Variants in USP30 observed in about 807,000 individuals in gnomAD.
USP30 encodes the protein ubiquitin specific peptidase 30.
Under a neutral mutation model 68.2 loss-of-function variants are expected in USP30, and 41 were observed. The observed-to-expected ratio is 0.60, with a 90% CI of 0.47 to 0.78. The LOEUF (loss-of-function observed/expected upper bound fraction) is 0.78. Ranked by LOEUF, USP30 falls within the 30% of genes least tolerant of loss-of-function variation. USP30 has a pLI of 0.00. For missense variants in USP30, 522 were observed against 649.4 expected (o/e 0.80, Z 2.13); for synonymous variants, 229 against 253.7 (o/e 0.90, Z 0.93).
chr12:109,036,018 G>A (rs1412297669), intron 3 of USP30, among the ~76,000 whole-genome samples: 1 of 152,102 alleles, frequency 6.6e-6, no homozygotes, highest in Non-Finnish European at 1.5e-5. Flanking sequence ...AAATTAGCTG[G>A]GCATGGTGGC....
intron 7 of USP30, among the ~76,000 whole-genome samples, chr12:109,074,707 G>A (rs866075032): frequency 1.7e-4 from 25 of 151,486 alleles, no homozygotes; most frequent in South Asian, 1.5e-3. Flanking sequence ...ATGTATGACT[G>A]TGTGTGTGTG....
At chr12:109,044,846 C>T (rs1456976376) in intron 3 of USP30, among the ~76,000 whole-genome samples, 4 of 152,202 alleles carry the variant, frequency 2.6e-5, no homozygotes, top group Middle Eastern at 3.4e-3. Flanking sequence ...CACAGAGATA[C>T]CCAAGTTTTC....
intron 3 of USP30, among the ~76,000 whole-genome samples, chr12:109,062,361 G>C (rs560710939): frequency 7.4e-6 from 1 of 135,714 alleles, no homozygotes; most frequent in South Asian, 2.4e-4. Context: ...TTGAGACGGA[G>C]TCTCGCTCTG....
intron 11 of USP30, 118 bp downstream of exon 11, chr12:109,083,180 A>C: frequency 1.9e-6 from 2 of 1,044,764 alleles, no homozygotes; most frequent in South Asian, 3.6e-5. Context: ...AATGGTGCTT[A>C]AACTCTTGAG....
chr12:109,035,495 T>C (rs1186293358), intron 3 of USP30, among the ~76,000 whole-genome samples: 3 of 152,044 alleles, frequency 2.0e-5, no homozygotes, highest in South Asian at 4.2e-4. Context: ...TCCTGAGTAG[T>C]TGGGACTACA....
intron 12 of USP30, 83 bp downstream of exon 12, chr12:109,085,156 G>A: frequency 7.8e-7 from 1 of 1,278,694 alleles, no homozygotes; most frequent in East Asian, 2.8e-5. Context: ...AATGAATTAA[G>A]GAAAATATAG....
chr12:109,084,934 G>T lies in USP30; in HGVS notation c.1169-19G>T. The T allele has an allele frequency of 6.5e-7, 1 of 1,544,758 alleles. No individual in the cohort carries two copies. The highest frequency in any genetic ancestry group is 1.4e-5 in the African/African-American group (1 of 72,250). On this transcript the variant is annotated intron_variant, in intron 11 of 12. Coordinates refer to ENST00000257548, the MANE Select transcript of USP30 (RefSeq NM_032663.5). The stretch of plus-strand genomic sequence containing the variant: ...AGCCACTGCTAATTTTCATTGACTC[G>T]GGCCTTTTTCTCTTGCAGTTCTGAA...
rs1406244513 is a variant in USP30 at position 109,082,645 on chromosome 12, A to G, written c.868-18A>G. On this transcript the variant is annotated intron_variant, in intron 9 of 12. Coordinates refer to ENST00000257548, the MANE Select transcript of USP30 (RefSeq NM_032663.5). The stretch of plus-strand genomic sequence containing the variant: ...CTATTTTAGGCATTGCTGCAGAGAA[A>G]TGTTCCTTTTATTTCAGATTGAAGC... 2.5e-6 allele frequency: 4 copies of G among 1,613,282 alleles called. No homozygotes were observed. Among genetic ancestry groups the G allele is most frequent in the Non-Finnish European group, 3.4e-6 (4 of 1,179,478 alleles).
Position 109,076,732 on chromosome 12 carries a change from CTTTTTTTTTTTT to C in USP30, c.720+3206_720+3217del, listed in dbSNP as rs71079520. On this transcript the variant is annotated intron_variant, in intron 7 of 12. Transcript: ENST00000257548. ...GGTGAATTACAGTGATTGATTTTTT[CTTTTTTTTTTTT>C]TTTTTGAGACGGAGTCTTGCTCTGT... Among the ~76,000 whole-genome samples the C allele has an allele frequency of 4.8e-5, 6 of 124,738 alleles. No individual in the cohort carries two copies. The Admixed American group carries it at 5.5e-4, about 11-fold the overall frequency. The allele number at this position is 124,738 out of a possible 152,430, so 81.8% of individuals were successfully genotyped here.
At position 109,085,598 on chromosome 12, in the gene USP30, CTT is replaced by C. The variant is rs2041923728; in HGVS notation, c.1290-66_1290-65del. ...TCATCCCCTATTTAACATTAGCATT[CTT>C]TTGTTTTTGCCTATAAAGTCTTTTT... On this transcript the variant is annotated intron_variant, in intron 12 of 12. Coordinates refer to ENST00000257548, the MANE Select transcript of USP30 (RefSeq NM_032663.5). 1.9e-6 allele frequency: 3 copies of C among 1,565,582 alleles called. No individual in the cohort carries two copies. In the Admixed American group the frequency reaches 5.1e-5, roughly 27 times the overall value.
In USP30 at chr12:109,055,398, ATATTTTT is replaced by A. The variant is rs1291025801; in HGVS notation, c.84-1282_84-1276del. ...TATATACATATATATATATATATATATATTTTTTTTTTTTTTTTTTTTGAGGCAGAGT... is the reference window on the plus strand; with the variant it reads ...TATATACATATATATATATATATATATTTTTTTTTTTTTTTGAGGCAGAGT... On this transcript the variant is annotated intron_variant, in intron 1 of 12. Transcript: ENST00000257548. 2.7e-3 allele frequency among the ~76,000 whole-genome samples: 81 copies of A among 30,352 alleles called. 1 individual carries two copies. The highest frequency in any genetic ancestry group is 7.1e-3 in the African/African-American group (74 of 10,380). 19.9% of individuals were successfully genotyped at this position (30,352 alleles called of 152,430 possible).
At chr12:109,055,401 T>TATATACGTATATATATATATATACA in intron 1 of USP30, among the ~76,000 whole-genome samples, 1 of 29,640 alleles carries the variant, frequency 3.4e-5, no homozygotes, top group Non-Finnish European at 6.5e-5. Context: ...TATATATATA[T>TATATACGTATATATATATATATACA]TTTTTTTTTT....
chr12:109,082,258 C>G (rs1231539551), intron 9 of USP30, among the ~76,000 whole-genome samples: 1 of 152,222 alleles, frequency 6.6e-6, no homozygotes, highest in African/African-American at 2.4e-5. Flanking sequence ...GAGAAATGCC[C>G]TCTCCAGTTT....
At chr12:109,037,078 G>C (rs930713730) in intron 3 of USP30, among the ~76,000 whole-genome samples, 1 of 152,038 alleles carries the variant, frequency 6.6e-6, no homozygotes, top group South Asian at 2.1e-4. Flanking sequence ...ATGCCTGATG[G>C]AGTCCCACAG....
intron 1 of USP30, chr12:109,023,201 C>T (rs550342638): frequency 3.3e-5 from 5 of 152,232 alleles, no homozygotes; most frequent in Non-Finnish European, 7.3e-5. Flanking sequence ...TCCCTCAATC[C>T]TGGTGTCAGG....
chr12:109,023,921 C>T (rs1318180910), intron 1 of USP30, among the ~76,000 whole-genome samples: 1 of 151,958 alleles, frequency 6.6e-6, no homozygotes, highest in Non-Finnish European at 1.5e-5. Context: ...GTGTGATCAC[C>T]ACCGCGACTG....
At chr12:109,039,113 T>G (rs2040543920) in intron 3 of USP30, among the ~76,000 whole-genome samples, 1 of 152,216 alleles carries the variant, frequency 6.6e-6, no homozygotes, top group African/African-American at 2.4e-5. Context: ...AGATCCAATG[T>G]ATCAGTTTTT....
At chr12:109,029,954 C>G (rs559546339) in intron 3 of USP30, among the ~76,000 whole-genome samples, 1 of 152,332 alleles carries the variant, frequency 6.6e-6, no homozygotes, top group South Asian at 2.1e-4. Context: ...AATCCCTCCT[C>G]TCCCATCTGT....
chr12:109,023,411 C>T (rs927421578), intron 1 of USP30, among the ~76,000 whole-genome samples: 2 of 151,970 alleles, frequency 1.3e-5, no homozygotes, highest in African/African-American at 2.4e-5. Context: ...AAAACTTAGC[C>T]AGGTGTGGTG....
Sources: gnomAD v4.1 joint callset for allele counts (sites outside exome capture counted in the v4.1 genomes callset) on GRCh38, gnomAD v4.1.1 for gene constraint, MANE v1.5 for transcripts, NCBI Gene and HGNC (gene_info 2026-07-23, HGNC 2026-07-21) for gene names.